The following ADAMTS17 variants were observed in gnomAD, a reference collection of about 807,000 sequenced individuals.
ADAMTS17 encodes A disintegrin and metalloproteinase with thrombospondin motifs 17.
ADAMTS17 carries 113 observed loss-of-function variants against 141.5 expected under a neutral mutation model. That is an observed-to-expected ratio of 0.80 (90% CI 0.69 to 0.93). The LOEUF is 0.93. Among genes scored for constraint, ADAMTS17 ranks in the 40% least tolerant of loss-of-function variants. The probability of loss-of-function intolerance (pLI) is 0.00; values close to 1 mark genes in which losing one functional copy is unlikely to be tolerated. For synonymous variants in ADAMTS17, 768 were observed against 630.6 expected (o/e 1.22, Z -3.27); for missense variants, 1,659 against 1,517.9 (o/e 1.09, Z -1.54).
intron 12 of ADAMTS17, among the ~76,000 whole-genome samples, chr15:100,117,918 A>G (rs2037240765): frequency 6.6e-6 from 1 of 152,220 alleles, no homozygotes; most frequent in African/African-American, 2.4e-5. Context: ...ATTTCCACAA[A>G]TCACACACAC....
At chr15:100,087,040 A>G (rs550088131) in intron 15 of ADAMTS17, among the ~76,000 whole-genome samples, 1 of 152,210 alleles carries the variant, frequency 6.6e-6, no homozygotes, top group South Asian at 2.1e-4. Flanking sequence ...TCAAAAAATC[A>G]ATGAATCCAG....
At chr15:100,210,943 T>C (rs2141715260) in intron 7 of ADAMTS17, among the ~76,000 whole-genome samples, 1 of 151,884 alleles carries the variant, frequency 6.6e-6, no homozygotes, top group Middle Eastern at 3.4e-3. Context: ...CTACTAAAAA[T>C]ACAAAAAATT....
intron 15 of ADAMTS17, among the ~76,000 whole-genome samples, chr15:100,090,907 C>CTGAGGCGGGGGAATAGCT (rs1470153864): frequency 6.7e-6 from 1 of 149,460 alleles, no homozygotes; most frequent in Non-Finnish European, 1.5e-5. Context: ...ACTCAGGAGG[C>CTGAGGCGGGGGAATAGCT]TGAGGCGGGG....
intron 7 of ADAMTS17, among the ~76,000 whole-genome samples, chr15:100,200,598 C>A (rs904013455): frequency 1.3e-5 from 2 of 152,228 alleles, no homozygotes; most frequent in African/African-American, 4.8e-5. Flanking sequence ...CTGTGTGACA[C>A]GCAAGCGGAT....
At chr15:99,987,517 C>T (rs1484250587) in intron 20 of ADAMTS17, among the ~76,000 whole-genome samples, 1 of 152,092 alleles carries the variant, frequency 6.6e-6, no homozygotes, top group Non-Finnish European at 1.5e-5. Flanking sequence ...GGAAGGAAGC[C>T]CTGGGTGACT....
At chr15:100,110,280 T>A (rs1471408806) in intron 13 of ADAMTS17, among the ~76,000 whole-genome samples, 1 of 148,756 alleles carries the variant, frequency 6.7e-6, no homozygotes, top group Non-Finnish European at 1.5e-5. Flanking sequence ...TATATATTTT[T>A]TTGAGACAGA....
chr15:100,148,819 C>T (rs528424789), intron 10 of ADAMTS17, among the ~76,000 whole-genome samples: 1 of 148,882 alleles, frequency 6.7e-6, no homozygotes, highest in Non-Finnish European at 1.5e-5. Flanking sequence ...CATTGAGAAG[C>T]TTATATTAAA....
intron 7 of ADAMTS17, among the ~76,000 whole-genome samples, chr15:100,214,926 C>T (rs2041923531): frequency 1.3e-5 from 2 of 152,242 alleles, no homozygotes; most frequent in Non-Finnish European, 2.9e-5. Flanking sequence ...TACTGCCCTG[C>T]AGAGACAACT....
chr15:100,151,814 C>T (rs2039178774), intron 10 of ADAMTS17, among the ~76,000 whole-genome samples: 1 of 152,210 alleles, frequency 6.6e-6, no homozygotes, highest in African/African-American at 2.4e-5. Flanking sequence ...CTGCCCTGCC[C>T]TGGGTACCCA....
chr15:100,104,630 T>C (rs1322277323), intron 14 of ADAMTS17, among the ~76,000 whole-genome samples: 2 of 152,160 alleles, frequency 1.3e-5, no homozygotes, highest in African/African-American at 4.8e-5. Context: ...AGGAAAACGC[T>C]AGTAGGCAAA....
chr15:100,015,721 C>T (rs2061275727), intron 18 of ADAMTS17, among the ~76,000 whole-genome samples: 2 of 152,194 alleles, frequency 1.3e-5, no homozygotes, highest in Non-Finnish European at 2.9e-5. Context: ...TGTAGGTTTT[C>T]TGCTGAGAAA....
intron 8 of ADAMTS17, among the ~76,000 whole-genome samples, chr15:100,158,253 G>A (rs1044365529): frequency 6.6e-6 from 1 of 151,872 alleles, no homozygotes; most frequent in Admixed American, 6.6e-5. Context: ...TTTACTTTTG[G>A]GTGAGCAACA....
chr15:100,103,707 C>G (rs2036258047), intron 14 of ADAMTS17, among the ~76,000 whole-genome samples: 1 of 152,106 alleles, frequency 6.6e-6, no homozygotes, highest in Non-Finnish European at 1.5e-5. Flanking sequence ...GCCTCCTTAG[C>G]TGGAATTATG....
chr15:100,008,217 C>G (rs918232601), intron 18 of ADAMTS17, among the ~76,000 whole-genome samples: 1 of 152,028 alleles, frequency 6.6e-6, no homozygotes, highest in Non-Finnish European at 1.5e-5. Context: ...GGAAACCAGG[C>G]CTGCCCAGAG....
intron 10 of ADAMTS17, among the ~76,000 whole-genome samples, chr15:100,134,875 C>T (rs2038244758): frequency 1.3e-5 from 2 of 152,190 alleles, no homozygotes; most frequent in Non-Finnish European, 2.9e-5. Flanking sequence ...ATTGTTCACC[C>T]CTCAAAGGAA....
chr15:100,086,616 T>C (rs144242589), intron 15 of ADAMTS17, among the ~76,000 whole-genome samples: 2,071 of 152,248 alleles, frequency 0.014, 45 homozygotes, highest in African/African-American at 0.046. Context: ...CCTCAGCAAA[T>C]GTAAAACAAC....
chr15:100,192,634 C>G (rs977383510), intron 8 of ADAMTS17, among the ~76,000 whole-genome samples: 7 of 152,240 alleles, frequency 4.6e-5, no homozygotes, highest in African/African-American at 1.7e-4. Context: ...TGACTGTCTG[C>G]TGGTGGGTTG....
intron 3 of ADAMTS17, among the ~76,000 whole-genome samples, chr15:100,302,227 G>A (rs1161333456): frequency 6.6e-6 from 1 of 152,186 alleles, no homozygotes; most frequent in East Asian, 1.9e-4. Context: ...CATCCATGCT[G>A]CAGCAGGCAT....
At chr15:100,238,921 T>C (rs527394341) in intron 7 of ADAMTS17, among the ~76,000 whole-genome samples, 11 of 152,200 alleles carry the variant, frequency 7.2e-5, no homozygotes, top group South Asian at 6.2e-4. Context: ...TGAAACCCTG[T>C]TTCTACTAAA....
Sources: gnomAD v4.1 joint callset for allele counts (sites outside exome capture counted in the v4.1 genomes callset) on GRCh38, gnomAD v4.1.1 for gene constraint, MANE v1.5 for transcripts, NCBI Gene and HGNC (gene_info 2026-07-23, HGNC 2026-07-21) for gene names.